Variants in NLGN1 observed in about 807,000 individuals in gnomAD.
NLGN1 encodes the protein neuroligin 1.
A neutral mutation model predicts 65.5 loss-of-function variants in NLGN1; 12 were observed. The observed-to-expected ratio is 0.18, with a 90% CI of 0.12 to 0.30. The LOEUF (loss-of-function observed/expected upper bound fraction) is 0.30, where lower values mean the gene tolerates loss of function less well. Ranked by LOEUF, NLGN1 falls within the 10% of genes least tolerant of loss-of-function variation. NLGN1 has a pLI of 1.00. For missense variants in NLGN1, 750 were observed against 1,007.1 expected, an observed-to-expected ratio of 0.74 and a Z score of 3.46; for synonymous variants, 350 against 359.5, an observed-to-expected ratio of 0.97 and a Z score of 0.30.
intron 4 of NLGN1, among the ~76,000 whole-genome samples, chr3:173,864,383 C>A (rs996669717): frequency 4.6e-5 from 7 of 152,112 alleles, no homozygotes; most frequent in African/African-American, 1.7e-4. Context: ...CTATTTACAT[C>A]ATGGATGACA....
At chr3:173,408,084 G>A (rs909263944) in intron 1 of NLGN1, among the ~76,000 whole-genome samples, 1 of 151,480 alleles carries the variant, frequency 6.6e-6, no homozygotes, top group African/African-American at 2.4e-5. Context: ...TGTTTTTTTT[G>A]AGACAGAGTC....
intron 4 of NLGN1, among the ~76,000 whole-genome samples, chr3:174,019,309 C>A (rs1395319996): frequency 6.6e-6 from 1 of 151,952 alleles, no homozygotes; most frequent in Non-Finnish European, 1.5e-5. Flanking sequence ...GAAATATGTT[C>A]ATCAAAATGG....
chr3:173,417,705 A>G (rs533964463), intron 1 of NLGN1, among the ~76,000 whole-genome samples: 87 of 152,154 alleles, frequency 5.7e-4, no homozygotes, highest in African/African-American at 2.0e-3. Context: ...CAGTTATACA[A>G]TTATTTTGTA....
Position 173,646,191 on chromosome 3 carries a change from C to A in NLGN1, c.493+41100C>A, listed in dbSNP as rs1248533345. 7.9e-5 allele frequency among the ~76,000 whole-genome samples: 12 copies of A among 151,718 alleles called. 1 individual carries two copies. Among genetic ancestry groups the A allele is most frequent in the Admixed American group, 6.6e-4 (10 of 15,252 alleles). On this transcript the variant is annotated intron_variant, in intron 3 of 6. Coordinates refer to ENST00000457714, the Ensembl canonical transcript of NLGN1. ...GATCGTTTTTAAATGACAATAATAC[C>A]CCCTCCAAAAAAAAAATTATCAATG... is the stretch of plus-strand genomic sequence containing the variant.
intron 3 of NLGN1, among the ~76,000 whole-genome samples, chr3:173,613,671 C>A (rs4894616): frequency 0.92 from 140,305 of 152,140 alleles, 64,730 homozygotes; most frequent in South Asian, 0.97. Context: ...AATTGAACAA[C>A]GTTATTTTTA....
At chr3:174,173,789 T>C (rs946080569) in intron 4 of NLGN1, among the ~76,000 whole-genome samples, 1 of 152,038 alleles carries the variant, frequency 6.6e-6, no homozygotes, top group Admixed American at 6.6e-5. Context: ...AAAGAAAATC[T>C]ACATTTTTAT....
At chr3:174,238,807 A>G (rs1273168455) in intron 4 of NLGN1, among the ~76,000 whole-genome samples, 2 of 152,130 alleles carry the variant, frequency 1.3e-5, no homozygotes, top group Admixed American at 1.3e-4. Context: ...TCTTGTAGTA[A>G]ATCAGTTTTA....
chr3:174,292,709 G>A, the NLGN1 span, among the ~76,000 whole-genome samples: 68 of 151,544 alleles, frequency 4.5e-4, no homozygotes, highest in Non-Finnish European at 8.4e-4. Context: ...AGGAATTGTT[G>A]TATTATAATT....
chr3:173,448,144 T>C (rs1406543964), intron 2 of NLGN1, among the ~76,000 whole-genome samples: 1 of 152,184 alleles, frequency 6.6e-6, no homozygotes, highest in East Asian at 1.9e-4. Flanking sequence ...TGTGCCAGTT[T>C]TCAAAGGGAA....
Position 173,818,980 on chromosome 3 carries a change from C to T in NLGN1, c.646+11148C>T, listed in dbSNP as rs1182139548. Among the ~76,000 whole-genome samples, 6 of 134,064 alleles carry T rather than the reference C, an allele frequency of 4.5e-5. No homozygotes were observed. The South Asian group carries it at 1.4e-3, about 31-fold the overall frequency. 88.0% of individuals were successfully genotyped at this position (134,064 alleles called of 152,430 possible). ...TGGTGTCATGATCTTTGATGTTCTGCCCACTTTTACTGATTTGCCTTTAAA... is the reference window on the plus strand; with the variant it reads ...TGGTGTCATGATCTTTGATGTTCTGTCCACTTTTACTGATTTGCCTTTAAA... On this transcript the variant is annotated intron_variant, in intron 4 of 6. Coordinates refer to ENST00000457714, the Ensembl canonical transcript of NLGN1.
chr3:173,762,539 G>A (rs940595633), intron 3 of NLGN1, among the ~76,000 whole-genome samples: 2 of 151,918 alleles, frequency 1.3e-5, no homozygotes, highest in African/African-American at 4.8e-5. Flanking sequence ...TAATGGTGGG[G>A]GAAATAATGT....
At chr3:173,864,768 T>G (rs887806349) in intron 4 of NLGN1, among the ~76,000 whole-genome samples, 8 of 152,174 alleles carry the variant, frequency 5.3e-5, no homozygotes, top group Admixed American at 2.0e-4. Flanking sequence ...GTTTTCACAT[T>G]GGCATATGCA....
intron 4 of NLGN1, among the ~76,000 whole-genome samples, chr3:174,078,630 T>A (rs1560990036): frequency 6.6e-6 from 1 of 152,144 alleles, no homozygotes; most frequent in African/African-American, 2.4e-5. Context: ...TGATGCTACT[T>A]CCTACCTATG....
intron 4 of NLGN1, among the ~76,000 whole-genome samples, chr3:174,186,559 A>G (rs1731435999): frequency 6.6e-6 from 1 of 152,026 alleles, no homozygotes; most frequent in Non-Finnish European, 1.5e-5. Context: ...TTTGCCAGCC[A>G]GTGTCACTTC....
chr3:173,844,326 T>C (rs1299782176), intron 4 of NLGN1, among the ~76,000 whole-genome samples: 1 of 152,162 alleles, frequency 6.6e-6, no homozygotes, highest in East Asian at 1.9e-4. Context: ...GAGGGGGTGT[T>C]TCGAGGAGAA....
intron 2 of NLGN1, among the ~76,000 whole-genome samples, chr3:173,601,744 G>C (rs965242299): frequency 6.6e-6 from 1 of 151,840 alleles, no homozygotes; most frequent in African/African-American, 2.4e-5. Flanking sequence ...ATGATTTTGT[G>C]TAATGACGTA....
intron 2 of NLGN1, among the ~76,000 whole-genome samples, chr3:173,560,899 C>T (rs926983032): frequency 6.6e-6 from 1 of 152,134 alleles, no homozygotes; most frequent in African/African-American, 2.4e-5. Flanking sequence ...AAATAATATT[C>T]ATTGATAATA....
chr3:173,713,542 A>G (rs1259878690), intron 3 of NLGN1, among the ~76,000 whole-genome samples: 2 of 152,198 alleles, frequency 1.3e-5, no homozygotes, highest in South Asian at 2.1e-4. Flanking sequence ...TTGAAAATAT[A>G]TATGTAAATT....
At chr3:174,156,310 G>A (rs1032393275) in intron 4 of NLGN1, among the ~76,000 whole-genome samples, 8 of 151,880 alleles carry the variant, frequency 5.3e-5, no homozygotes, top group Admixed American at 3.3e-4. Flanking sequence ...CTCTGGGAAA[G>A]CTATCTAGGA....
Sources: allele counts gnomAD v4.1 joint callset (sites outside exome capture counted in the v4.1 genomes callset), GRCh38; gene constraint gnomAD v4.1.1; transcripts MANE v1.5; gene names NCBI Gene and HGNC (gene_info 2026-07-23, HGNC 2026-07-21).